Variants in TDRD12 observed in about 807,000 individuals in gnomAD.
The protein encoded by TDRD12 is tudor domain containing 12.
Under a neutral mutation model 133.5 loss-of-function variants are expected in TDRD12, and 158 were observed. The ratio of observed to expected loss-of-function variants is 1.18; its 90% CI spans 1.04 to 1.35. TDRD12 has a LOEUF of 1.35. Among genes scored for constraint, TDRD12 ranks in the 40% most tolerant of loss-of-function variants. TDRD12 has a pLI of 0.00. For missense variants in TDRD12, 1,443 were observed against 1,321.3 expected, an observed-to-expected ratio of 1.09 and a Z score of -1.43; for synonymous variants, 460 against 477.9, an observed-to-expected ratio of 0.96 and a Z score of 0.49.
intron 25 of TDRD12, 101 bp downstream of exon 25, chr19:32,813,877 C>A: frequency 1.4e-6 from 1 of 691,744 alleles, no homozygotes; most frequent in South Asian, 1.8e-5. Context: ...TGCATAGAAA[C>A]GGTGACTTAT....
At chr19:32,760,141 A>G (rs1970110873) in intron 8 of TDRD12, among the ~76,000 whole-genome samples, 1 of 152,226 alleles carries the variant, frequency 6.6e-6, no homozygotes, top group African/African-American at 2.4e-5. Flanking sequence ...ATTGCTTGAT[A>G]TGTCAAAATT....
chr19:32,755,459 A>T (rs915360559), intron 6 of TDRD12, among the ~76,000 whole-genome samples: 10 of 152,210 alleles, frequency 6.6e-5, no homozygotes, highest in Non-Finnish European at 1.5e-4. Flanking sequence ...ATGGTTTTAT[A>T]TGCTTATTTG....
intron 4 of TDRD12, among the ~76,000 whole-genome samples, chr19:32,746,318 C>G: frequency 1.0e-5 from 1 of 96,096 alleles, no homozygotes; most frequent in Non-Finnish European, 2.0e-5. Context: ...GGGAGAGAGA[C>G]TGGCTGATGT....
At chr19:32,725,168 ACT>A (rs1032421690) in intron 1 of TDRD12, among the ~76,000 whole-genome samples, 2 of 151,710 alleles carry the variant, frequency 1.3e-5, no homozygotes, top group African/African-American at 4.8e-5. Flanking sequence ...TTTTCTGTTA[ACT>A]CTGATGATAG....
intron 8 of TDRD12, among the ~76,000 whole-genome samples, chr19:32,757,709 G>C (rs972689505): frequency 9.9e-5 from 15 of 152,078 alleles, no homozygotes; most frequent in African/African-American, 3.6e-4. Flanking sequence ...ATGTTATAAC[G>C]AAACAACCTT....
At chr19:32,734,620 G>C (rs8107317) in intron 2 of TDRD12, among the ~76,000 whole-genome samples, 1 of 151,946 alleles carries the variant, frequency 6.6e-6, no homozygotes, top group African/African-American at 2.4e-5. Context: ...AGATCTGCCC[G>C]CCTTGGCCTC....
intron 5 of TDRD12, 47 bp from the exon 6 acceptor site, chr19:32,749,737 T>C: frequency 7.2e-7 from 1 of 1,387,716 alleles, no homozygotes; most frequent in Non-Finnish European, 1.0e-6. Flanking sequence ...TTGTTTCAAA[T>C]ATACTTTTAA....
intron 14 of TDRD12, chr19:32,796,350 A>C (rs1971225149): frequency 5.3e-6 from 1 of 188,888 alleles, no homozygotes; most frequent in Admixed American, 6.5e-5. Flanking sequence ...GCACTTTGGG[A>C]CGCCGAGGCA....
chr19:32,821,033 G>A, exon 28 of TDRD12: 1 of 1,535,634 alleles, frequency 6.5e-7, no homozygotes, highest in South Asian at 1.2e-5. Context: ...TCCCGTCTAG[G>A]ACGCCTCCAG....
chr19:32,731,557 T>C (rs1969054574), intron 1 of TDRD12, among the ~76,000 whole-genome samples, 168 bp from the exon 2 acceptor site: 1 of 152,180 alleles, frequency 6.6e-6, no homozygotes, highest in South Asian at 2.1e-4. Context: ...ATACTGTTGG[T>C]TATGTGTTTT....
chr19:32,821,401 TGTGTGTGTGC>T (rs148397964), downstream of TDRD12: 2,295 of 164,566 alleles, frequency 0.014, 34 homozygotes, highest in African/African-American at 0.098. Flanking sequence ...TGTGTGTGTG[TGTGTGTGTGC>T]GTGTGAACCA....
intron 1 of TDRD12, among the ~76,000 whole-genome samples, chr19:32,728,645 C>CTTTTTTT (rs61327045): frequency 7.7e-6 from 1 of 129,104 alleles, no homozygotes; most frequent in African/African-American, 2.9e-5. Flanking sequence ...TTTTCTTTTC[C>CTTTTTTT]TTTTTTTTTT....
At chr19:32,818,738 G>A (rs1967273905) in intron 27 of TDRD12, among the ~76,000 whole-genome samples, 2 of 152,288 alleles carry the variant, frequency 1.3e-5, no homozygotes, top group African/African-American at 4.8e-5. Context: ...AGTAGGGTGG[G>A]GACGTTGTAG....
intron 25 of TDRD12, among the ~76,000 whole-genome samples, chr19:32,814,222 C>T (rs533768088): frequency 4.7e-5 from 7 of 150,272 alleles, no homozygotes; most frequent in South Asian, 2.2e-4. Flanking sequence ...TGGGAGGGGG[C>T]GGGGGAAAGG....
intron 1 of TDRD12, among the ~76,000 whole-genome samples, chr19:32,720,967 C>CG (rs1404917146): frequency 4.0e-5 from 6 of 151,766 alleles, no homozygotes; most frequent in Non-Finnish European, 8.8e-5. Context: ...CTCGATCACC[C>CG]GGGCCAAGCG....
At chr19:32,774,047 G>A (rs930649730) in intron 10 of TDRD12, among the ~76,000 whole-genome samples, 1 of 152,218 alleles carries the variant, frequency 6.6e-6, no homozygotes, top group African/African-American at 2.4e-5. Context: ...AGGGCGGAAA[G>A]AGAAGAATGG....
At chr19:32,733,895 AT>A (rs61612791) in intron 2 of TDRD12, among the ~76,000 whole-genome samples, 226 of 142,334 alleles carry the variant, frequency 1.6e-3, no homozygotes, top group African/African-American at 2.8e-3. Context: ...TAATTAATTA[AT>A]TTTTTTTTTT....
chr19:32,813,839 T>TGA, intron 25 of TDRD12, 63 bp downstream of exon 25: 2 of 959,756 alleles, frequency 2.1e-6, no homozygotes, highest in Non-Finnish European at 3.1e-6. Context: ...TTATCCAGAT[T>TGA]ATTCTAAGCC....
chr19:32,731,508 C>T (rs190440141), intron 1 of TDRD12, among the ~76,000 whole-genome samples: 26 of 152,032 alleles, frequency 1.7e-4, no homozygotes, highest in African/African-American at 6.3e-4. Flanking sequence ...TGAGGACATC[C>T]GTTCGTTATT....
Sources: allele counts gnomAD v4.1 joint callset (sites outside exome capture counted in the v4.1 genomes callset), GRCh38; gene constraint gnomAD v4.1.1; transcripts MANE v1.5; gene names NCBI Gene and HGNC (gene_info 2026-07-23, HGNC 2026-07-21).